The following FAM78B variants were observed in gnomAD, a reference collection of about 807,000 sequenced individuals.
The protein encoded by FAM78B is family with sequence similarity 78 member B.
A neutral mutation model predicts 20.0 loss-of-function variants in FAM78B; 10 were observed. The observed-to-expected ratio is 0.50, with a 90% CI of 0.31 to 0.85. The LOEUF (loss-of-function observed/expected upper bound fraction) is 0.85. Ranked by LOEUF, FAM78B falls within the 40% of genes least tolerant of loss-of-function variation. The probability of loss-of-function intolerance (pLI) is 0.05; values close to 1 mark genes in which losing one functional copy is unlikely to be tolerated. For missense variants in FAM78B, 283 were observed against 345.0 expected, an observed-to-expected ratio of 0.82 and a Z score of 1.42; for synonymous variants, 135 against 132.8, an observed-to-expected ratio of 1.02 and a Z score of -0.12.
intron 1 of FAM78B, among the ~76,000 whole-genome samples, chr1:166,132,092 A>C (rs761654040): frequency 6.6e-6 from 1 of 152,260 alleles, no homozygotes; most frequent in Non-Finnish European, 1.5e-5. Context: ...ATACCTCTAC[A>C]GTAAGAGCAA....
intron 1 of FAM78B, among the ~76,000 whole-genome samples, chr1:166,125,605 G>C (rs1275176294): frequency 7.2e-5 from 11 of 152,056 alleles, no homozygotes; most frequent in Non-Finnish European, 2.9e-5. Flanking sequence ...TGTCTGTGGT[G>C]GATTGGTTTT....
chr1:166,148,005 T>C (rs1053437065), intron 1 of FAM78B: 2 of 152,200 alleles, frequency 1.3e-5, no homozygotes, highest in African/African-American at 4.8e-5. Context: ...TGGTGACGGG[T>C]GGCTTCTGAA....
At chr1:166,099,268 C>A (rs754930929) in intron 1 of FAM78B, among the ~76,000 whole-genome samples, 13 of 152,182 alleles carry the variant, frequency 8.5e-5, no homozygotes, top group Middle Eastern at 3.2e-3. Flanking sequence ...GAAACAAATT[C>A]TAGAAAGACA....
chr1:166,077,097 T>C (rs1334532782), intron 1 of FAM78B, among the ~76,000 whole-genome samples: 2 of 152,178 alleles, frequency 1.3e-5, no homozygotes, highest in Non-Finnish European at 2.9e-5. Flanking sequence ...CCATTCGACT[T>C]GTTAATTTTC....
exon 3 of FAM78B, chr1:166,058,619 T>C (rs576102325): frequency 6.6e-6 from 1 of 152,024 alleles, no homozygotes; most frequent in South Asian, 2.1e-4. Flanking sequence ...ATGAACATAA[T>C]ACAGTGAAAC....
intron 1 of FAM78B, among the ~76,000 whole-genome samples, chr1:166,157,248 C>T (rs1655943625): frequency 6.6e-6 from 1 of 151,990 alleles, no homozygotes; most frequent in Non-Finnish European, 1.5e-5. Context: ...CCTCCCTGTT[C>T]CTTAAGGCTG....
At chr1:166,145,129 T>C (rs1400804714) in intron 1 of FAM78B, among the ~76,000 whole-genome samples, 1 of 152,168 alleles carries the variant, frequency 6.6e-6, no homozygotes. Flanking sequence ...ATGGTAAAGA[T>C]TGTACCAACT....
In FAM78B at chr1:166,163,289, G is replaced by A. The variant is rs149712026; in HGVS notation, c.263+2697C>T. On this transcript the variant is annotated intron_variant, in intron 1 of 1. Transcript: ENST00000354422. ...CAGCCTGGTTTCTATAGAATCATTCGAGGAAGTGCCATGGAAATGAGTTCA... is the reference window on the plus strand; with the variant it reads ...CAGCCTGGTTTCTATAGAATCATTCAAGGAAGTGCCATGGAAATGAGTTCA... Among the ~76,000 whole-genome samples the A allele has an allele frequency of 3.3e-3, 505 of 152,322 alleles. 3 individuals are homozygous for A. Among genetic ancestry groups the A allele is most frequent in the Admixed American group, 4.4e-3 (67 of 15,306 alleles).
At chr1:166,156,225 T>G (rs1557920921) in intron 1 of FAM78B, among the ~76,000 whole-genome samples, 1 of 152,234 alleles carries the variant, frequency 6.6e-6, no homozygotes, top group Non-Finnish European at 1.5e-5. Flanking sequence ...AAAATGGCCT[T>G]ATTTATCTTG....
intron 1 of FAM78B, among the ~76,000 whole-genome samples, chr1:166,160,490 G>C (rs1656102599): frequency 6.6e-6 from 1 of 152,236 alleles, no homozygotes; most frequent in African/African-American, 2.4e-5. Context: ...GGAAGTGACA[G>C]AAGTAAGCCC....
chr1:166,102,916 CACG>C (rs1292705633), intron 1 of FAM78B, among the ~76,000 whole-genome samples: 1 of 152,194 alleles, frequency 6.6e-6, no homozygotes, highest in Non-Finnish European at 1.5e-5. Flanking sequence ...TTCTTTTCAG[CACG>C]ACACCACACC....
At chr1:166,120,965 C>G (rs1193878071) in intron 1 of FAM78B, among the ~76,000 whole-genome samples, 1 of 152,242 alleles carries the variant, frequency 6.6e-6, no homozygotes, top group African/African-American at 2.4e-5. Flanking sequence ...GTAACACTAT[C>G]ACTTCTGGAT....
chr1:166,152,306 G>C (rs1300736290), intron 1 of FAM78B, among the ~76,000 whole-genome samples: 1 of 152,216 alleles, frequency 6.6e-6, no homozygotes, highest in Non-Finnish European at 1.5e-5. Flanking sequence ...TGCTAACCTT[G>C]CCCGGGCCTT....
intron 2 of FAM78B, among the ~76,000 whole-genome samples, chr1:166,064,187 GAC>G (rs1037835957): frequency 1.3e-4 from 20 of 152,284 alleles, no homozygotes; most frequent in Admixed American, 1.3e-3. Flanking sequence ...AGTGTGGTGA[GAC>G]AGCCTGGGGA....
chr1:166,108,494 C>T (rs891546794), intron 1 of FAM78B, among the ~76,000 whole-genome samples: 2 of 152,038 alleles, frequency 1.3e-5, no homozygotes, highest in Non-Finnish European at 2.9e-5. Context: ...CAAAACACTG[C>T]TGAAAGAGAT....
intron 1 of FAM78B, among the ~76,000 whole-genome samples, chr1:166,164,543 A>G (rs1039905167): frequency 2.0e-5 from 3 of 152,248 alleles, no homozygotes; most frequent in African/African-American, 7.2e-5. Flanking sequence ...ACTGGGCCTC[A>G]CATTTCTTCA....
intron 1 of FAM78B, among the ~76,000 whole-genome samples, chr1:166,113,876 G>C (rs1654156987): frequency 6.6e-6 from 1 of 152,212 alleles, no homozygotes. Flanking sequence ...GAGAACAGAA[G>C]AAGATGCCAT....
chr1:166,155,793 G>A (rs1201670198), intron 1 of FAM78B, among the ~76,000 whole-genome samples: 1 of 152,158 alleles, frequency 6.6e-6, no homozygotes, highest in Non-Finnish European at 1.5e-5. Flanking sequence ...GTGGTCTCGG[G>A]AGAGGGAATA....
chr1:166,135,502 T>TTGC (rs1167043695), intron 1 of FAM78B, among the ~76,000 whole-genome samples: 1 of 152,232 alleles, frequency 6.6e-6, no homozygotes, highest in Non-Finnish European at 1.5e-5. Context: ...GTATCATGTA[T>TTGC]TGCTCCTTGT....
Sources: gnomAD v4.1 joint callset for allele counts (sites outside exome capture counted in the v4.1 genomes callset) on GRCh38, gnomAD v4.1.1 for gene constraint, MANE v1.5 for transcripts, NCBI Gene and HGNC (gene_info 2026-07-23, HGNC 2026-07-21) for gene names.